ANKRD28: variants seen among roughly 807,000 people sequenced by gnomAD.
ANKRD28 encodes the protein ankyrin repeat domain 28.
Under a neutral mutation model 126.5 loss-of-function variants are expected in ANKRD28, and 44 were observed. The ratio of observed to expected loss-of-function variants is 0.35; its 90% confidence interval spans 0.27 to 0.45. ANKRD28 has a LOEUF of 0.45. ANKRD28 is among the 20% of genes least tolerant of loss of function. The pLI is 1.00. For missense variants in ANKRD28, 1,110 were observed against 1,316.6 expected, an observed-to-expected ratio of 0.84 and a Z score of 2.43; for synonymous variants, 442 against 468.5, an observed-to-expected ratio of 0.94 and a Z score of 0.73.
At position 15,685,236 on chromosome 3, in the gene ANKRD28, A is replaced by G; in HGVS notation, c.2379T>C (p.Ala793=). 1.2e-6 allele frequency: 2 copies of G among 1,613,982 alleles called. No individual in the cohort carries two copies. Among genetic ancestry groups the G allele is most frequent in the Non-Finnish European group, 1.7e-6 (2 of 1,179,856 alleles). Residue 793 remains alanine (A), a synonymous_variant, in exon 21 of 28, where the codon GCT becomes GCC. Coordinates refer to ENST00000683139, the MANE Select transcript of ANKRD28 (RefSeq NM_001349278.2). ...GTTTGTATACTTAACCATTGTAGCA[A>G]GCCCAGTGAAGTGCCGTATATCCAT... ...DNHGYTALHW[A]CYNGHETCVE... is the part of the protein sequence containing the mutation.
At chr3:15,696,758 A>G (rs1171257129) in intron 14 of ANKRD28, among the ~76,000 whole-genome samples, 1 of 152,222 alleles carries the variant, frequency 6.6e-6, no homozygotes, top group African/African-American at 2.4e-5. Context: ...GTATATAAAC[A>G]GAGTAAAGTG....
Position 15,713,577 on chromosome 3 carries a change from G to T in ANKRD28, c.1140C>A (p.Gly380=). The change falls in exon 10 of 28, where the codon GGC becomes GGA. Residue 380 remains glycine (G), a synonymous_variant. Transcript: ENST00000683139. ...TAAGAGTGTTGATCAGCAGCTCATG[G>T]CCATACCGTGCTGCTATGTGCAAAG... The part of the protein sequence containing the change: ...NTPLHIAARY[G]HELLINTLIT... The T allele has an allele frequency of 6.2e-7, 1 of 1,610,880 alleles. No homozygotes were observed. The highest frequency in any genetic ancestry group is 8.5e-7 in the Non-Finnish European group (1 of 1,178,932).
At chr3:15,799,749 T>C (rs1437454173), upstream of ANKRD28, among the ~76,000 whole-genome samples, 2 of 152,076 alleles carry the variant, frequency 1.3e-5, no homozygotes, top group East Asian at 1.9e-4. Context: ...AGGTACATCC[T>C]GTTTCTTGTT....
chr3:15,848,028 CCAAA>C (rs1164590674), intron 1 of ANKRD28, among the ~76,000 whole-genome samples: 1 of 152,196 alleles, frequency 6.6e-6, no homozygotes, highest in South Asian at 2.1e-4. Flanking sequence ...TGACAGTTCT[CCAAA>C]CACACTCTTG....
chr3:15,828,125 T>G (rs1277271762), intron 1 of ANKRD28, among the ~76,000 whole-genome samples: 1 of 152,146 alleles, frequency 6.6e-6, no homozygotes, highest in East Asian at 1.9e-4. Context: ...ATGGCAGAAT[T>G]TAATATGATT....
Position 15,667,640 on chromosome 3 carries a change from A to G in ANKRD28, c.*2630T>C, listed in dbSNP as rs2066050223. 1 of 152,232 alleles carries G rather than the reference A, an allele frequency of 6.6e-6. No homozygotes were observed. The highest frequency in any genetic ancestry group is 1.5e-5 in the Non-Finnish European group (1 of 68,036). 9.4% of individuals were successfully genotyped at this position (152,232 alleles called of 1,614,324 possible). On this transcript the variant is annotated 3_prime_UTR_variant, in exon 28 of 28. Transcript: ENST00000683139. The stretch of plus-strand genomic sequence containing the variant: ...TATTCCAACAATACTGGCGTAGTTC[A>G]AATACCATTTGAGACAGTACTTTGG...
At chr3:15,726,318 T>C in intron 6 of ANKRD28, among the ~76,000 whole-genome samples, 1 of 151,594 alleles carries the variant, frequency 6.6e-6, no homozygotes, top group East Asian at 2.0e-4. Context: ...TACCAAGTAG[T>C]GAATGCAAAA....
intron 1 of ANKRD28, among the ~76,000 whole-genome samples, chr3:15,811,372 T>C (rs1471637115): frequency 6.6e-6 from 1 of 152,228 alleles, no homozygotes; most frequent in African/African-American, 2.4e-5. Flanking sequence ...AATTTGAAAA[T>C]AGTATTTGTG....
At chr3:15,681,717 C>A (rs1279094004) in intron 21 of ANKRD28, among the ~76,000 whole-genome samples, 1 of 152,044 alleles carries the variant, frequency 6.6e-6, no homozygotes. Flanking sequence ...TTTGTCAGTT[C>A]TTTTCTCTAA....
Position 15,795,648 on chromosome 3 carries a change from T to C in ANKRD28, c.118-342A>G, listed in dbSNP as rs540361837. ...AATGTGTGATCTCAACATCTACTTG[T>C]GGGACAGAACTTTTTAAGCAATTTC... is the stretch of plus-strand genomic sequence containing the variant. On this transcript the variant is annotated intron_variant, in intron 1 of 27. Coordinates refer to ENST00000683139, the MANE Select transcript of ANKRD28 (RefSeq NM_001349278.2). Among the ~76,000 whole-genome samples the C allele has an allele frequency of 4.2e-4, 64 of 152,264 alleles. No individual in the cohort carries two copies. The South Asian group carries it at 4.8e-3, about 11-fold the overall frequency.
chr3:15,685,971 T>C, intron 20 of ANKRD28, 31 bp downstream of exon 20: 1 of 1,575,778 alleles, frequency 6.3e-7, no homozygotes, highest in Non-Finnish European at 8.7e-7. Context: ...CATAAAAGCT[T>C]TTTGAAAGGA....
intron 1 of ANKRD28, among the ~76,000 whole-genome samples, chr3:15,807,494 T>C (rs1193278676): frequency 6.6e-6 from 1 of 152,196 alleles, no homozygotes; most frequent in Non-Finnish European, 1.5e-5. Context: ...CAGAATACTT[T>C]AGGATGAAAT....
chr3:15,817,038 A>C lies in ANKRD28; in HGVS notation c.28-21732T>G, dbSNP rs1378336639. Reference sequence around the variant, plus strand: ...CAGCAAAACCCTGTCTCTGTAAGAAAACAAAACCAAAACCAAAAGAAACCC... The same window carrying C: ...CAGCAAAACCCTGTCTCTGTAAGAACACAAAACCAAAACCAAAAGAAACCC... On this transcript the variant is annotated intron_variant, in intron 1 of 27. Coordinates refer to the ANKRD28 transcript ENST00000399451. This position sits in a 1 kb window ranked among gnomAD's most constrained non-coding sequence, Gnocchi z 4.5. Among the ~76,000 whole-genome samples, 3 of 152,120 alleles carry C rather than the reference A, an allele frequency of 2.0e-5. No homozygotes were observed. The highest frequency in any genetic ancestry group is 7.2e-5 in the African/African-American group (3 of 41,424).
At chr3:15,689,222 T>A (rs1483186881) in intron 18 of ANKRD28, among the ~76,000 whole-genome samples, 2 of 152,184 alleles carry the variant, frequency 1.3e-5, no homozygotes, top group African/African-American at 4.8e-5. Context: ...CACTGGGTTT[T>A]AGAGGGAGAA....
At position 15,724,425 on chromosome 3, in the gene ANKRD28, C is replaced by A; in HGVS notation, c.740G>T (p.Gly247Val). 6.2e-7 allele frequency: 1 copy of A among 1,606,694 alleles called. No individual in the cohort carries two copies. The highest frequency in any genetic ancestry group is 1.7e-5 in the Admixed American group (1 of 59,128). The change falls in exon 7 of 28, where the codon GGA becomes GTA. Residue 247 changes from glycine (G) to valine (V), a missense_variant. Gly to Val is a moderately radical substitution (Grantham distance 109). Coordinates refer to ENST00000683139, the MANE Select transcript of ANKRD28 (RefSeq NM_001349278.2). ...AAGGTACTTGACTACGCTGATCATT[C>A]CACTAGAGGCTGCTGCATGAAGAGG... ...YTPLHAAASS[G>V]MISVVKYLLD...
intron 2 of ANKRD28, 62 bp downstream of exon 2, chr3:15,795,161 T>C: frequency 8.5e-7 from 1 of 1,173,626 alleles, no homozygotes; most frequent in Middle Eastern, 2.1e-4. Flanking sequence ...AAAATCACAA[T>C]TCTAGGAAAG....
Position 15,751,771 on chromosome 3 carries a change from T to C in ANKRD28, c.330A>G (p.Arg110=). 6.3e-7 allele frequency: 1 copy of C among 1,588,892 alleles called. No individual in the cohort carries two copies. Among genetic ancestry groups the C allele is most frequent in the Middle Eastern group, 1.7e-4 (1 of 6,024 alleles). The change falls in exon 4 of 28, where the codon AGA becomes AGG. Residue 110 remains arginine, a synonymous_variant. Coordinates refer to ENST00000683139, the MANE Select transcript of ANKRD28 (RefSeq NM_001349278.2). ...KDSKWLTPLH[R]AVASCSEEAV... ...ATACCTCACTACAAGATGCAACTGC[T>C]CTGTGTAAAGGTGTCAACCATTTGC...
chr3:15,703,357 C>T (rs994544043), intron 14 of ANKRD28, among the ~76,000 whole-genome samples: 1 of 152,202 alleles, frequency 6.6e-6, no homozygotes, highest in Admixed American at 6.5e-5. Flanking sequence ...TATGTCCCCC[C>T]ACACCCATTC....
chr3:15,707,775 A>C (rs2071655155), intron 14 of ANKRD28, 149 bp downstream of exon 14: 1 of 928,502 alleles, frequency 1.1e-6, no homozygotes, highest in Admixed American at 2.7e-5. Flanking sequence ...ATAACTATGA[A>C]ACCAATCTAT....
Sources: allele counts gnomAD v4.1 joint callset (sites outside exome capture counted in the v4.1 genomes callset), GRCh38; gene constraint gnomAD v4.1.1; non-coding constraint Gnocchi (gnomAD v3.1); transcripts MANE v1.5; gene names NCBI Gene and HGNC (gene_info 2026-07-23, HGNC 2026-07-21).